SPATA9: variants seen among roughly 807,000 people sequenced by gnomAD.
SPATA9 encodes the protein spermatogenesis associated 9.
Under a neutral mutation model 25.5 loss-of-function variants are expected in SPATA9, and 27 were observed. That is an observed-to-expected ratio of 1.06 (90% CI 0.78 to 1.46). The LOEUF is 1.46. SPATA9 is among the 40% of genes most tolerant of loss of function. The pLI is 0.00. For missense variants in SPATA9, 282 were observed against 297.5 expected, an observed-to-expected ratio of 0.95 and a Z score of 0.38; for synonymous variants, 102 against 105.7, an observed-to-expected ratio of 0.97 and a Z score of 0.21.
At chr5:95,654,043 T>G (rs765891377), downstream of SPATA9, 1 of 1,601,754 alleles carries the variant, frequency 6.2e-7, no homozygotes, top group Non-Finnish European at 8.5e-7. Context: ...GTAACTTTCC[T>G]TCTTTATGTT....
the SPATA9 span, among the ~76,000 whole-genome samples, chr5:95,709,837 T>A: frequency 6.6e-6 from 1 of 152,168 alleles, no homozygotes; most frequent in Admixed American, 6.5e-5. Context: ...TTTAGGACCT[T>A]GCTTGGCATT....
At chr5:95,700,360 T>C (rs1249130210), upstream of SPATA9, among the ~76,000 whole-genome samples, 4 of 152,202 alleles carry the variant, frequency 2.6e-5, no homozygotes, top group South Asian at 2.1e-4. Flanking sequence ...AGTGCAGTGA[T>C]GCAATCTCAG....
downstream of SPATA9, among the ~76,000 whole-genome samples, chr5:95,653,541 C>G (rs1301884105): frequency 1.3e-5 from 2 of 152,206 alleles, no homozygotes; most frequent in Non-Finnish European, 2.9e-5. Context: ...TTGAGGAATC[C>G]TCCCTAATTT....
the SPATA9 span, chr5:95,731,761 A>G: frequency 6.2e-7 from 1 of 1,606,992 alleles, no homozygotes; most frequent in Non-Finnish European, 8.5e-7. Flanking sequence ...GCTGGTGCCC[A>G]TCCTCGCCGC....
chr5:95,692,573 A>T lies in SPATA9; in HGVS notation n.124+6015T>A, dbSNP rs568211521. ...TCAGGAAGAATTTAAGGTTAAGTAC[A>T]AAGTTTCCTTACTTTTAGTTTTTCT... On this transcript the variant is annotated intron_variant and non_coding_transcript_variant, in intron 1 of 2. Transcript: ENST00000379990. Among the ~76,000 whole-genome samples the T allele has an allele frequency of 1.3e-3, 205 of 152,142 alleles. 1 individual carries two copies. Among genetic ancestry groups the T allele is most frequent in the African/African-American group, 4.8e-3 (198 of 41,558 alleles).
the SPATA9 span, among the ~76,000 whole-genome samples, chr5:95,710,742 T>C: frequency 2.0e-5 from 3 of 152,220 alleles, no homozygotes; most frequent in Non-Finnish European, 2.9e-5. Flanking sequence ...GGCCATTTCA[T>C]TCTGTACCTC....
In SPATA9 at chr5:95,658,851, T is replaced by C; in HGVS notation, c.537A>G (p.Ile179Met). ...VKNIFQEEESIRQNREESENC... is the reference protein window; with the variant it reads ...VKNIFQEEESMRQNREESENC... ...TTTCACTCTCCTCTCTGTTTTGCCT[T>C]ATGGATTCTTCTTCCTGGAAGATGT... The change falls in exon 5 of 5, where the codon ATA becomes ATG. Residue 179 changes from isoleucine (I) to methionine (M), a missense_variant. Coordinates refer to ENST00000274432, the MANE Select transcript of SPATA9 (RefSeq NM_031952.4). 1.2e-6 allele frequency: 2 copies of C among 1,613,970 alleles called. No individual in the cohort carries two copies. The highest frequency in any genetic ancestry group is 1.7e-6 in the Non-Finnish European group (2 of 1,179,904).
chr5:95,666,554 TAG>T (rs1246429370), intron 3 of SPATA9, among the ~76,000 whole-genome samples: 1 of 152,162 alleles, frequency 6.6e-6, no homozygotes, highest in Non-Finnish European at 1.5e-5. Context: ...AGTCCCTTAT[TAG>T]AGAGGGAATA....
At position 95,673,392 on chromosome 5, in the gene SPATA9, G is replaced by C. The variant is rs539064093; in HGVS notation, c.378+2020C>G. Among the ~76,000 whole-genome samples, 11 of 152,230 alleles carry C rather than the reference G, an allele frequency of 7.2e-5. No homozygotes were observed. The South Asian group carries it at 2.3e-3, about 32-fold the overall frequency. Reference sequence around the variant, plus strand: ...TGTGTGTGTTTGTGTGTGTGTGTGTGTGTGCATGTGCATATGTATGTGTAC... The same window carrying C: ...TGTGTGTGTTTGTGTGTGTGTGTGTCTGTGCATGTGCATATGTATGTGTAC... On this transcript the variant is annotated intron_variant, in intron 3 of 4. Transcript: ENST00000274432.
At chr5:95,692,043 A>G (rs987219743) in intron 1 of SPATA9, among the ~76,000 whole-genome samples, 1 of 152,040 alleles carries the variant, frequency 6.6e-6, no homozygotes, top group African/African-American at 2.4e-5. Flanking sequence ...AAGAATTTGT[A>G]TTTGATTACA....
upstream of SPATA9, among the ~76,000 whole-genome samples, chr5:95,685,229 T>C (rs1315016341): frequency 6.6e-6 from 1 of 152,236 alleles, no homozygotes; most frequent in Admixed American, 6.5e-5. Flanking sequence ...TTGGAAATTT[T>C]GCAAAACTTG....
exon 9 of SPATA9, chr5:95,652,983 T>G: frequency 8.1e-7 from 1 of 1,240,954 alleles, no homozygotes; most frequent in Non-Finnish European, 1.1e-6. Context: ...GCTCTTAGAG[T>G]AAAATCCATA....
chr5:95,653,986 T>C, downstream of SPATA9: 1 of 1,244,552 alleles, frequency 8.0e-7, no homozygotes, highest in Non-Finnish European at 1.1e-6. Context: ...CTATTCATTC[T>C]TAGGGTTATC....
chr5:95,657,983 T>C (rs1328801772), downstream of SPATA9: 1 of 152,214 alleles, frequency 6.6e-6, no homozygotes. Context: ...TATTTTCTCA[T>C]AGGAGCCACT....
At chr5:95,686,724 G>A (rs1011912215), upstream of SPATA9, among the ~76,000 whole-genome samples, 21 of 152,158 alleles carry the variant, frequency 1.4e-4, no homozygotes, top group African/African-American at 5.1e-4. Flanking sequence ...CAGATTCAGT[G>A]AGGCATCCCA....
chr5:95,678,476 C>T (rs1405963550), intron 2 of SPATA9, among the ~76,000 whole-genome samples: 1 of 152,188 alleles, frequency 6.6e-6, no homozygotes, highest in Non-Finnish European at 1.5e-5. Flanking sequence ...AATCATTATT[C>T]TGGTTGTATT....
At chr5:95,714,802 G>A in the SPATA9 span, among the ~76,000 whole-genome samples, 5 of 151,188 alleles carry the variant, frequency 3.3e-5, no homozygotes, top group Admixed American at 6.6e-5. Context: ...GATGAAATAG[G>A]AAATGGATTC....
At chr5:95,677,816 CT>C (rs1444340219) in intron 2 of SPATA9, among the ~76,000 whole-genome samples, 2 of 152,170 alleles carry the variant, frequency 1.3e-5, no homozygotes, top group Non-Finnish European at 2.9e-5. Flanking sequence ...CAAAAATTGA[CT>C]GTATTTATCC....
chr5:95,700,303 A>T (rs543550484), upstream of SPATA9, among the ~76,000 whole-genome samples: 287 of 148,314 alleles, frequency 1.9e-3, 1 homozygote, highest in Non-Finnish European at 2.8e-3. Context: ...TTTAAAAAAA[A>T]TTTTTTTTTT....
Sources: allele counts gnomAD v4.1 joint callset (sites outside exome capture counted in the v4.1 genomes callset), GRCh38; gene constraint gnomAD v4.1.1; transcripts MANE v1.5; gene names NCBI Gene and HGNC (gene_info 2026-07-23, HGNC 2026-07-21).